The following ZIC4 variants were observed in gnomAD, a reference collection of about 807,000 sequenced individuals.
ZIC4 encodes Zic family zinc finger 4.
A neutral mutation model predicts 28.8 loss-of-function variants in ZIC4; 15 were observed. The ratio of observed to expected loss-of-function variants is 0.52; its 90% CI spans 0.35 to 0.80. The LOEUF (loss-of-function observed/expected upper bound fraction) is 0.80. Ranked by LOEUF, ZIC4 falls within the 30% of genes least tolerant of loss-of-function variation. ZIC4 has a pLI of 0.01. For synonymous variants in ZIC4, 220 were observed against 198.1 expected (o/e 1.11, Z -0.93); for missense variants, 512 against 467.1 (o/e 1.10, Z -0.89).
intron 3 of ZIC4, among the ~76,000 whole-genome samples, chr3:147,394,339 AC>A (rs1436631606): frequency 6.6e-6 from 1 of 150,906 alleles, no homozygotes; most frequent in African/African-American, 2.4e-5. Flanking sequence ...AAACACGAAA[AC>A]CTGAGCCAGC....
At chr3:147,392,195 G>C (rs1045044999) in intron 3 of ZIC4, 6 of 985,490 alleles carry the variant, frequency 6.1e-6, no homozygotes, top group Non-Finnish European at 7.2e-6. Context: ...AATGGGATCC[G>C]AGGTGTCTAC....
chr3:147,394,816 G>GGC (rs1411682997), intron 3 of ZIC4, among the ~76,000 whole-genome samples: 1 of 152,242 alleles, frequency 6.6e-6, no homozygotes, highest in African/African-American at 2.4e-5. Context: ...GGAGAAGATA[G>GGC]GCGTTAGAAC....
At chr3:147,393,826 G>A (rs1020350376) in intron 3 of ZIC4, 20 of 454,468 alleles carry the variant, frequency 4.4e-5, no homozygotes, top group African/African-American at 2.6e-4. Context: ...GGCCGAGCGC[G>A]GTTGCTGGCC....
rs771134809 is a variant in ZIC4 at position 147,391,035 on chromosome 3, C to T, written c.900G>A (p.Ser300=). 2 of 1,613,776 alleles carry T rather than the reference C, an allele frequency of 1.2e-6. No homozygotes were observed. Among genetic ancestry groups the T allele is most frequent in the African/African-American group, 1.3e-5 (1 of 74,940 alleles). Residue 300 remains serine, a synonymous_variant, in exon 4 of 5, where the codon TCG becomes TCA. Transcript: ENST00000383075. ...GCGACACGAGGGCAGACGGTGTAGC[C>T]GAATCGTAGCCAGAGCTGGGCGGCG... is the stretch of plus-strand genomic sequence containing the variant. ...RSPPPSSGYD[S]ATPSALVSPS...
chr3:147,391,328 C>G, intron 3 of ZIC4, 82 bp from the exon 4 acceptor site: 2 of 1,432,306 alleles, frequency 1.4e-6, no homozygotes, highest in Non-Finnish European at 1.9e-6. Flanking sequence ...ATTCGTCTCT[C>G]ATTTTCTGGA....
intron 3 of ZIC4, chr3:147,393,778 C>A: frequency 2.4e-6 from 1 of 415,240 alleles, no homozygotes; most frequent in South Asian, 1.7e-5. Context: ...CGGCCCCGGC[C>A]GAGGGGTCCC....
chr3:147,402,828 A>G lies in ZIC4; in HGVS notation c.-15-16T>C. On this transcript the variant is annotated splice_polypyrimidine_tract_variant and intron_variant, in intron 1 of 4. Coordinates refer to ENST00000383075, the MANE Select transcript of ZIC4 (RefSeq NM_032153.6). ...GACTTTGAGCCTGTTTGGGAAGAAA[A>G]GAGTGACAGTCACTAGTTAAACAAT... 2 of 1,610,434 alleles carry G rather than the reference A, an allele frequency of 1.2e-6. No individual in the cohort carries two copies. The highest frequency in any genetic ancestry group is 1.7e-6 in the Non-Finnish European group (2 of 1,177,502).
At chr3:147,391,416 CGCCCCCG>C (rs2086915717) in intron 3 of ZIC4, 170 bp from the exon 4 acceptor site, 5 of 821,326 alleles carry the variant, frequency 6.1e-6, no homozygotes, top group African/African-American at 3.5e-5. Context: ...GTGCAGAGAG[CGCCCCCG>C]GTGCCCTCTC....
intron 4 of ZIC4, 99 bp downstream of exon 4, chr3:147,390,832 C>CCGGGGG: frequency 7.1e-7 from 1 of 1,415,588 alleles, no homozygotes; most frequent in Non-Finnish European, 9.4e-7. Context: ...AGCCCTAATA[C>CCGGGGG]CGGAGGCGGC....
rs2086938868 is a variant in ZIC4 at position 147,392,165 on chromosome 3, G to A, written c.689-919C>T. On this transcript the variant is annotated intron_variant, in intron 3 of 4. Transcript: ENST00000383075. ...CGGTCCTAAGACGAGGGGTTGGCGC[G>A]GTAGGGTCCGCACAGGCCAAATGGG... 8.1e-6 allele frequency: 8 copies of A among 985,598 alleles called. No individual in the cohort carries two copies. In the South Asian group the frequency reaches 3.3e-4, roughly 40 times the overall value. 61.1% of individuals were successfully genotyped at this position (985,598 alleles called of 1,614,324 possible).
intron 3 of ZIC4, among the ~76,000 whole-genome samples, chr3:147,395,437 C>T (rs1365900785): frequency 6.6e-6 from 1 of 152,156 alleles, no homozygotes; most frequent in African/African-American, 2.4e-5. Context: ...TCCAGGTGGG[C>T]CAGGTTATCA....
intron 2 of ZIC4, among the ~76,000 whole-genome samples, chr3:147,399,877 G>C (rs561788777): frequency 1.3e-5 from 2 of 152,024 alleles, no homozygotes; most frequent in East Asian, 1.9e-4. Context: ...TGTTAGCCAG[G>C]CTGGTCTTGA....
intron 1 of ZIC4, chr3:147,404,047 A>T: frequency 2.6e-6 from 4 of 1,537,184 alleles, no homozygotes; most frequent in Non-Finnish European, 2.6e-6. Context: ...CTTCCAGCAC[A>T]AATCAGGAAA....
Position 147,396,408 on chromosome 3 carries a change from C to T in ZIC4, c.132G>A (p.Pro44=), listed in dbSNP as rs768239384. The T allele has an allele frequency of 3.7e-5, 57 of 1,524,180 alleles. No homozygotes were observed. Among genetic ancestry groups the T allele is most frequent in the Non-Finnish European group, 4.6e-5 (52 of 1,140,090 alleles). The allele number at this position is 1,524,180 out of a possible 1,614,324, so 94.4% of individuals were successfully genotyped here. A position where few individuals can be genotyped will look rare whatever the true frequency, so the allele number is the denominator to read the frequency against. ...LTAASSPSVF[P]GLHEEPPQAS... ...CCTGGGGAGGCTCCTCGTGGAGGCC[C>T]GGGAACACCGAGGGGCTGGAGGCGG... is the stretch of plus-strand genomic sequence containing the variant. The change falls in exon 3 of 5, where the codon CCG becomes CCA. Residue 44 remains proline, a synonymous_variant. Transcript: ENST00000383075. This position sits in a 1 kb window ranked among gnomAD's most constrained non-coding sequence, Gnocchi z 4.2.
At chr3:147,405,539 C>A in intron 1 of ZIC4, 1 of 1,478,496 alleles carries the variant, frequency 6.8e-7, no homozygotes, top group South Asian at 1.2e-5. Context: ...GCTCTATTCC[C>A]TCCTCATTGG....
chr3:147,405,769 C>T (rs2087265180), intron 1 of ZIC4: 1 of 466,340 alleles, frequency 2.1e-6, no homozygotes, highest in Admixed American at 3.6e-5. Flanking sequence ...CTGAGGTGGA[C>T]TCAGGCGGCA....
At position 147,395,876 on chromosome 3, in the gene ZIC4, T is replaced by G; in HGVS notation, c.664A>C (p.Lys222Gln). 6.2e-7 allele frequency: 1 copy of G among 1,613,798 alleles called. No individual in the cohort carries two copies. Among genetic ancestry groups the G allele is most frequent in the Non-Finnish European group, 8.5e-7 (1 of 1,179,752 alleles). The part of the protein sequence containing the change: ...GKVFARSENL[K>Q]IHKRTHTGEK... ...CCTGTGTGAGTTCGTTTGTGTATTT[T>G]GAGATTTTCTGATCTAGCAAAGACC... Residue 222 changes from lysine (K) to glutamine (Q), a missense_variant, in exon 3 of 5, where the codon AAA becomes CAA. Around this residue, in one of 3 missense-constraint regions of ZIC4, gnomAD observed 58 missense variants for 93.8 expected, o/e 0.62. Transcript: ENST00000383075.
At chr3:147,394,351 C>A (rs1462700235) in intron 3 of ZIC4, among the ~76,000 whole-genome samples, 1 of 151,204 alleles carries the variant, frequency 6.6e-6, no homozygotes, top group African/African-American at 2.4e-5. Context: ...CTGAGCCAGC[C>A]GTGGCGCACT....
intron 4 of ZIC4, 58 bp downstream of exon 4, chr3:147,390,873 G>T: frequency 1.3e-6 from 2 of 1,542,432 alleles, no homozygotes; most frequent in Non-Finnish European, 1.7e-6. Flanking sequence ...GTGGTAGCTC[G>T]GGGCTGAGGA....
Sources: allele counts gnomAD v4.1 joint callset (sites outside exome capture counted in the v4.1 genomes callset), GRCh38; gene constraint gnomAD v4.1.1; regional missense constraint gnomAD v4.1.1; non-coding constraint Gnocchi (gnomAD v3.1); transcripts MANE v1.5; gene names NCBI Gene and HGNC (gene_info 2026-07-23, HGNC 2026-07-21).